Variants in DYNC1I1 observed in about 807,000 individuals in gnomAD.
DYNC1I1 encodes the protein dynein cytoplasmic 1 intermediate chain 1, also known as cytoplasmic dynein 1 intermediate chain 1.
In DYNC1I1, 43 loss-of-function variants were observed where a neutral mutation model predicts 86.6. The ratio of observed to expected loss-of-function variants is 0.50; its 90% confidence interval spans 0.39 to 0.64. DYNC1I1 has a LOEUF of 0.64. DYNC1I1 is among the 30% of genes least tolerant of loss of function. The probability of loss-of-function intolerance (pLI) is 0.00; values close to 1 mark genes in which losing one functional copy is unlikely to be tolerated. For synonymous variants in DYNC1I1, 262 were observed against 283.7 expected (o/e 0.92, Z 0.77); for missense variants, 604 against 788.8 (o/e 0.77, Z 2.81).
chr7:96,030,369 T>C (rs1213473140), intron 11 of DYNC1I1, among the ~76,000 whole-genome samples: 1 of 143,998 alleles, frequency 6.9e-6, no homozygotes, highest in South Asian at 2.4e-4. Context: ...TGTGTGTGTG[T>C]GTGTGTGTAG....
intron 5 of DYNC1I1, among the ~76,000 whole-genome samples, chr7:95,862,627 T>C (rs1202181292): frequency 2.0e-5 from 3 of 152,178 alleles, no homozygotes; most frequent in African/African-American, 7.2e-5. Context: ...ACAGACACTT[T>C]GGAAAATAAT....
intron 14 of DYNC1I1, among the ~76,000 whole-genome samples, chr7:96,045,138 G>C (rs552570304): frequency 6.6e-6 from 1 of 152,292 alleles, no homozygotes; most frequent in East Asian, 1.9e-4. Flanking sequence ...AAAGTAAAGA[G>C]AGCAAAGGAT....
chr7:96,036,386 TA>T (rs1195433002), intron 13 of DYNC1I1, among the ~76,000 whole-genome samples: 2 of 152,148 alleles, frequency 1.3e-5, no homozygotes, highest in African/African-American at 2.4e-5. Flanking sequence ...TAGTTGAGGG[TA>T]AAATACTAAT....
At chr7:95,835,731 C>A (rs1234151005) in intron 5 of DYNC1I1, among the ~76,000 whole-genome samples, 8 of 151,988 alleles carry the variant, frequency 5.3e-5, no homozygotes, top group South Asian at 2.1e-4. Flanking sequence ...ATGTAATGGC[C>A]TTCTTTGTCT....
At chr7:96,038,100 T>G (rs1166349506) in intron 13 of DYNC1I1, among the ~76,000 whole-genome samples, 1 of 152,194 alleles carries the variant, frequency 6.6e-6, no homozygotes, top group Non-Finnish European at 1.5e-5. Flanking sequence ...AATGATCATG[T>G]GTGGAACTGC....
At chr7:95,994,345 G>A (rs189590878) in intron 9 of DYNC1I1, among the ~76,000 whole-genome samples, 1 of 152,268 alleles carries the variant, frequency 6.6e-6, no homozygotes, top group East Asian at 1.9e-4. Flanking sequence ...AAATTATAAT[G>A]CATTTGACAA....
At chr7:95,775,937 G>A (rs973641280) in intron 1 of DYNC1I1, among the ~76,000 whole-genome samples, 3 of 152,096 alleles carry the variant, frequency 2.0e-5, no homozygotes, top group Admixed American at 6.5e-5. Flanking sequence ...AACCCTTGAC[G>A]AGGTCCATGT....
intron 1 of DYNC1I1, among the ~76,000 whole-genome samples, chr7:95,803,223 C>G (rs530993082): frequency 6.6e-6 from 1 of 152,302 alleles, no homozygotes; most frequent in East Asian, 1.9e-4. Flanking sequence ...ATGTCAAAGG[C>G]CTGGCACTGA....
chr7:95,850,502 A>G (rs188883352), intron 5 of DYNC1I1, among the ~76,000 whole-genome samples: 1 of 151,706 alleles, frequency 6.6e-6, no homozygotes, highest in African/African-American at 2.4e-5. Context: ...CCTCTCTTCT[A>G]TGTGGAGGAT....
chr7:95,984,324 T>C (rs1793528578), intron 7 of DYNC1I1, among the ~76,000 whole-genome samples: 1 of 152,120 alleles, frequency 6.6e-6, no homozygotes, highest in Non-Finnish European at 1.5e-5. Context: ...CAACTAACCA[T>C]TTAAAATAAA....
rs970406157 is a variant in DYNC1I1 at position 95,986,982 on chromosome 7, C to G, written c.744-74C>G. Reference sequence around the variant, plus strand: ...GAGAGTATTGTGTGCCAGGCTTTTGCCATATCAGTGCTTCTATATGAGCAG... The same window carrying G: ...GAGAGTATTGTGTGCCAGGCTTTTGGCATATCAGTGCTTCTATATGAGCAG... On this transcript the variant is annotated intron_variant, in intron 8 of 16. Coordinates refer to ENST00000447467, the MANE Select transcript of DYNC1I1 (RefSeq NM_001135556.2). 3 of 1,342,116 alleles carry G rather than the reference C, an allele frequency of 2.2e-6. No individual in the cohort carries two copies. The African/African-American group carries it at 4.3e-5, about 19-fold the overall frequency. 83.1% of individuals were successfully genotyped at this position (1,342,116 alleles called of 1,614,324 possible).
At position 95,778,375 on chromosome 7, in the gene DYNC1I1, G is replaced by A. The variant is rs186469193; in HGVS notation, c.-10+5602G>A. On this transcript the variant is annotated intron_variant, in intron 1 of 16. Transcript: ENST00000447467. ...TTAGAAAGCCACTGTGGAGGCCAGGGGTATGCAAATGCCAGTTTGAAGATT... is the reference window on the plus strand; with the variant it reads ...TTAGAAAGCCACTGTGGAGGCCAGGAGTATGCAAATGCCAGTTTGAAGATT... Among the ~76,000 whole-genome samples, 4 of 152,278 alleles carry A rather than the reference G, an allele frequency of 2.6e-5. No individual in the cohort carries two copies. The East Asian group carries it at 7.7e-4, about 29-fold the overall frequency.
chr7:95,954,951 A>G (rs986233993), intron 6 of DYNC1I1, among the ~76,000 whole-genome samples: 1 of 151,112 alleles, frequency 6.6e-6, no homozygotes, highest in Non-Finnish European at 1.5e-5. Flanking sequence ...TATATGGACA[A>G]TGACTTTTTT....
At chr7:95,795,463 A>G (rs372434946) in intron 1 of DYNC1I1, among the ~76,000 whole-genome samples, 5 of 152,320 alleles carry the variant, frequency 3.3e-5, no homozygotes, top group East Asian at 1.9e-4. Flanking sequence ...GCTATTCACA[A>G]TAGCAAAGAC....
chr7:96,077,590 T>C (rs900971066), intron 15 of DYNC1I1, among the ~76,000 whole-genome samples: 4 of 152,174 alleles, frequency 2.6e-5, no homozygotes, highest in Admixed American at 2.6e-4. Flanking sequence ...TTCATCACTG[T>C]TTATTAAAAT....
chr7:95,830,598 CT>C (rs1795299736), intron 5 of DYNC1I1, among the ~76,000 whole-genome samples: 1 of 152,082 alleles, frequency 6.6e-6, no homozygotes, highest in Non-Finnish European at 1.5e-5. Context: ...TATCCAGTCA[CT>C]TTTTATATAC....
chr7:95,831,764 A>G (rs1051570348), intron 5 of DYNC1I1, among the ~76,000 whole-genome samples: 11 of 152,100 alleles, frequency 7.2e-5, no homozygotes, highest in Middle Eastern at 3.2e-3. Flanking sequence ...ACACTTTTTC[A>G]TATACATATT....
chr7:95,949,762 G>A (rs1436525962), intron 6 of DYNC1I1, among the ~76,000 whole-genome samples: 1 of 152,120 alleles, frequency 6.6e-6, no homozygotes, highest in Non-Finnish European at 1.5e-5. Context: ...GTAAGAGATG[G>A]AAATGTATGT....
intron 5 of DYNC1I1, among the ~76,000 whole-genome samples, chr7:95,843,843 A>G (rs1473718439): frequency 6.6e-6 from 1 of 152,214 alleles, no homozygotes; most frequent in African/African-American, 2.4e-5. Flanking sequence ...AGATTAGGTG[A>G]ATTGAAGATA....
Sources: gnomAD v4.1 joint callset for allele counts (sites outside exome capture counted in the v4.1 genomes callset) on GRCh38, gnomAD v4.1.1 for gene constraint, MANE v1.5 for transcripts, NCBI Gene and HGNC (gene_info 2026-07-23, HGNC 2026-07-21) for gene names.